Variants in KIAA1958 observed in about 807,000 individuals in gnomAD.
KIAA1958 encodes uncharacterized protein KIAA1958.
Under a neutral mutation model 47.2 loss-of-function variants are expected in KIAA1958, and 14 were observed. The ratio of observed to expected loss-of-function variants is 0.30; its 90% confidence interval spans 0.20 to 0.46. KIAA1958 has a LOEUF of 0.46. Among genes scored for constraint, KIAA1958 ranks in the 20% least tolerant of loss-of-function variants. KIAA1958 has a pLI of 1.00. For missense variants in KIAA1958, 803 were observed against 909.2 expected (o/e 0.88, Z 1.50); for synonymous variants, 354 against 353.3 (o/e 1.00, Z -0.02).
intron 1 of KIAA1958, among the ~76,000 whole-genome samples, chr9:112,565,325 AACC>A (rs1835408641): frequency 6.6e-6 from 1 of 152,318 alleles, no homozygotes; most frequent in Admixed American, 6.5e-5. Flanking sequence ...GCTGGTCTCA[AACC>A]CCTGGGCTCA....
intron 1 of KIAA1958, among the ~76,000 whole-genome samples, chr9:112,532,017 A>G (rs1347089495): frequency 6.6e-6 from 1 of 152,220 alleles, no homozygotes; most frequent in African/African-American, 2.4e-5. Context: ...CATTCCTCTC[A>G]TAGGAGACTG....
chr9:112,607,313 A>G (rs1836251704), intron 2 of KIAA1958, among the ~76,000 whole-genome samples: 1 of 152,046 alleles, frequency 6.6e-6, no homozygotes, highest in Non-Finnish European at 1.5e-5. Flanking sequence ...AACCTGAGCG[A>G]CACAGCAAAA....
chr9:112,564,363 G>A (rs772922124), intron 1 of KIAA1958, among the ~76,000 whole-genome samples: 5 of 152,140 alleles, frequency 3.3e-5, no homozygotes, highest in African/African-American at 7.2e-5. Context: ...TGCATCAGCA[G>A]TAGAGATCTA....
intron 1 of KIAA1958, among the ~76,000 whole-genome samples, chr9:112,504,800 A>G (rs1385321506): frequency 6.6e-6 from 1 of 152,194 alleles, no homozygotes; most frequent in Non-Finnish European, 1.5e-5. Flanking sequence ...GTCTATATGT[A>G]TATATGTGTA....
At chr9:112,507,557 C>T (rs1201387643) in intron 1 of KIAA1958, among the ~76,000 whole-genome samples, 4 of 152,056 alleles carry the variant, frequency 2.6e-5, no homozygotes, top group African/African-American at 7.2e-5. Flanking sequence ...CAATATTGCT[C>T]AGGCTGGTTT....
At chr9:112,509,898 G>A (rs554311769) in intron 1 of KIAA1958, among the ~76,000 whole-genome samples, 45 of 152,296 alleles carry the variant, frequency 3.0e-4, no homozygotes, top group African/African-American at 1.0e-3. Context: ...CCAAGAGCTC[G>A]AGGGTGAATT....
At chr9:112,626,913 G>A (rs1167676628) in intron 2 of KIAA1958, among the ~76,000 whole-genome samples, 2 of 151,942 alleles carry the variant, frequency 1.3e-5, no homozygotes, top group African/African-American at 2.4e-5. Flanking sequence ...TGTTGTTACA[G>A]GTGCTCTTTC....
chr9:112,610,781 A>G (rs916365229), intron 2 of KIAA1958, among the ~76,000 whole-genome samples: 3 of 152,214 alleles, frequency 2.0e-5, no homozygotes, highest in Non-Finnish European at 4.4e-5. Context: ...TATAATGGTA[A>G]TATGTAACAG....
chr9:112,516,600 A>C (rs2132789093), intron 1 of KIAA1958, among the ~76,000 whole-genome samples: 1 of 152,336 alleles, frequency 6.6e-6, no homozygotes, highest in Admixed American at 6.5e-5. Context: ...AAATTGACAA[A>C]CTGATTATAA....
chr9:112,573,516 T>C (rs1835575674), intron 1 of KIAA1958, among the ~76,000 whole-genome samples: 1 of 152,194 alleles, frequency 6.6e-6, no homozygotes. Context: ...TTGCATTGTC[T>C]TCTGGTGCCC....
At chr9:112,564,377 G>A (rs1835391397) in intron 1 of KIAA1958, among the ~76,000 whole-genome samples, 1 of 152,036 alleles carries the variant, frequency 6.6e-6, no homozygotes, top group South Asian at 2.1e-4. Flanking sequence ...AGATCTAGTG[G>A]CATTAAAACA....
At chr9:112,645,609 A>C in intron 2 of KIAA1958, 41 bp from the exon 3 acceptor site, 2 of 1,389,096 alleles carry the variant, frequency 1.4e-6, no homozygotes, top group Non-Finnish European at 2.0e-6. Flanking sequence ...AAAGAAGGGA[A>C]TGGCAAATTA....
chr9:112,502,998 C>G (rs1016276049), intron 1 of KIAA1958, among the ~76,000 whole-genome samples: 4 of 152,130 alleles, frequency 2.6e-5, no homozygotes, highest in Non-Finnish European at 4.4e-5. Context: ...GTGTTAGGTA[C>G]TTTTCTAGAT....
chr9:112,540,252 A>G (rs1312071787), intron 1 of KIAA1958, among the ~76,000 whole-genome samples: 2 of 152,174 alleles, frequency 1.3e-5, no homozygotes, highest in Admixed American at 6.5e-5. Context: ...GGAGGTAGCA[A>G]TGAAATTTAG....
At chr9:112,572,679 A>G (rs1188774878) in intron 1 of KIAA1958, among the ~76,000 whole-genome samples, 3 of 152,340 alleles carry the variant, frequency 2.0e-5, no homozygotes, top group Admixed American at 1.3e-4. Context: ...GAAGGGCAGC[A>G]TATCAAGCCA....
At chr9:112,487,303 A>G (rs962382283) in intron 1 of KIAA1958, 185 bp downstream of exon 1, 4 of 151,768 alleles carry the variant, frequency 2.6e-5, no homozygotes, top group Non-Finnish European at 4.4e-5. Context: ...GAGCGAGGGC[A>G]GGGACCCGGG....
chr9:112,548,861 G>C (rs964700753), intron 1 of KIAA1958, among the ~76,000 whole-genome samples: 3 of 152,108 alleles, frequency 2.0e-5, no homozygotes, highest in Admixed American at 6.5e-5. Context: ...CAATATGACC[G>C]GTGTCCTTAT....
chr9:112,656,775 T>C (rs1389634395), intron 3 of KIAA1958, among the ~76,000 whole-genome samples: 2 of 152,210 alleles, frequency 1.3e-5, no homozygotes, highest in Non-Finnish European at 2.9e-5. Flanking sequence ...GCTATTGAGA[T>C]CCTTTACCTT....
chr9:112,516,304 T>C (rs1834433628), intron 1 of KIAA1958, among the ~76,000 whole-genome samples: 1 of 152,124 alleles, frequency 6.6e-6, no homozygotes, highest in African/African-American at 2.4e-5. Flanking sequence ...CAGTTGTATT[T>C]CTATATATTA....
Sources: gnomAD v4.1 joint callset for allele counts (sites outside exome capture counted in the v4.1 genomes callset) on GRCh38, gnomAD v4.1.1 for gene constraint, MANE v1.5 for transcripts, NCBI Gene and HGNC (gene_info 2026-07-23, HGNC 2026-07-21) for gene names.